The following ADIPOR2 variants were observed in gnomAD, a reference collection of about 807,000 sequenced individuals.
The protein encoded by ADIPOR2 is adiponectin receptor 2, also known as adiponectin receptor protein 2.
A neutral mutation model predicts 40.9 loss-of-function variants in ADIPOR2; 18 were observed. That is an observed-to-expected ratio of 0.44 (90% CI 0.30 to 0.65). The LOEUF is 0.65. Among genes scored for constraint, ADIPOR2 ranks in the 30% least tolerant of loss-of-function variants. The pLI is 0.09. For synonymous variants in ADIPOR2, 165 were observed against 166.4 expected, an observed-to-expected ratio of 0.99 and a Z score of 0.06; for missense variants, 283 against 479.2, an observed-to-expected ratio of 0.59 and a Z score of 3.82.
At chr12:1,707,153 A>T (rs945087415) in intron 1 of ADIPOR2, among the ~76,000 whole-genome samples, 2 of 152,170 alleles carry the variant, frequency 1.3e-5, no homozygotes, top group African/African-American at 4.8e-5. Flanking sequence ...TGGCTATACC[A>T]CAATTTGTTT....
chr12:1,714,773 G>A (rs2094684363), intron 1 of ADIPOR2, among the ~76,000 whole-genome samples: 1 of 151,980 alleles, frequency 6.6e-6, no homozygotes, highest in Admixed American at 6.6e-5. Context: ...CAAACTCTTG[G>A]GCTGCAACTA....
chr12:1,701,164 C>CT (rs2094649537), intron 1 of ADIPOR2, among the ~76,000 whole-genome samples: 2 of 141,722 alleles, frequency 1.4e-5, no homozygotes, highest in South Asian at 4.5e-4. Flanking sequence ...GGGTCTCACT[C>CT]TGTCACCCAG....
At chr12:1,764,349 T>C (rs1565653495) in intron 2 of ADIPOR2, among the ~76,000 whole-genome samples, 2 of 152,170 alleles carry the variant, frequency 1.3e-5, no homozygotes, top group Non-Finnish European at 2.9e-5. Flanking sequence ...TTGATCACTT[T>C]TATCGTGCCT....
At chr12:1,721,984 T>C (rs370264063) in intron 1 of ADIPOR2, among the ~76,000 whole-genome samples, 1 of 152,116 alleles carries the variant, frequency 6.6e-6, no homozygotes, top group East Asian at 1.9e-4. Flanking sequence ...GTAAGGAGTT[T>C]CTAGGTGTAA....
At chr12:1,691,273 G>A (rs559820174) in intron 1 of ADIPOR2, 82 bp downstream of exon 1, 1 of 152,712 alleles carries the variant, frequency 6.5e-6, no homozygotes, top group Admixed American at 6.5e-5. Context: ...CTTGGGGTCG[G>A]GGGGAGGTGA....
chr12:1,698,831 T>C (rs1239301594), intron 1 of ADIPOR2, among the ~76,000 whole-genome samples: 1 of 151,432 alleles, frequency 6.6e-6, no homozygotes, highest in Non-Finnish European at 1.5e-5. Context: ...TCACCAGAAA[T>C]GTGGGTGGAG....
chr12:1,711,854 A>T (rs766120328), intron 1 of ADIPOR2, among the ~76,000 whole-genome samples: 1 of 152,074 alleles, frequency 6.6e-6, no homozygotes, highest in Non-Finnish European at 1.5e-5. Flanking sequence ...TAACTCCGTG[A>T]TTTCCTTATG....
At chr12:1,742,670 A>C (rs973774412) in intron 1 of ADIPOR2, among the ~76,000 whole-genome samples, 1 of 152,196 alleles carries the variant, frequency 6.6e-6, no homozygotes, top group Non-Finnish European at 1.5e-5. Flanking sequence ...ATTGTAAATC[A>C]TGTCTAGATT....
rs528569663 is a variant in ADIPOR2 at position 1,691,201 on chromosome 12, C to T, written c.-87+10C>T. ...AAGTCCGAGACACGCGGTGAGGCGGCGACGGGCTCCGGGTGAGGGTCTCTG... is the reference window on the plus strand; with the variant it reads ...AAGTCCGAGACACGCGGTGAGGCGGTGACGGGCTCCGGGTGAGGGTCTCTG... On this transcript the variant is annotated intron_variant, in intron 1 of 7. Transcript: ENST00000357103. 10 of 154,606 alleles carry T rather than the reference C, an allele frequency of 6.5e-5. No individual in the cohort carries two copies. In the East Asian group the frequency reaches 1.9e-3, roughly 30 times the overall value. The allele number at this position is 154,606 out of a possible 1,614,324, so 9.6% of individuals were successfully genotyped here. A position where few individuals can be genotyped will look rare whatever the true frequency, so the allele number is the denominator to read the frequency against.
chr12:1,755,853 G>A (rs989329675), intron 2 of ADIPOR2, among the ~76,000 whole-genome samples: 3 of 152,150 alleles, frequency 2.0e-5, no homozygotes, highest in Non-Finnish European at 2.9e-5. Context: ...ACATTGAAGT[G>A]TGTATATAGT....
rs114147026 is a variant in ADIPOR2 at position 1,769,027 on chromosome 12, A to G, written c.172-3815A>G. On this transcript the variant is annotated intron_variant, in intron 2 of 7. Coordinates refer to ENST00000357103, the MANE Select transcript of ADIPOR2 (RefSeq NM_024551.3). ...TGAGGGTGTGGTAAGGAGTATGACA[A>G]CAGAAGCAGAACATAGCATGTATGT... 3.4e-3 allele frequency among the ~76,000 whole-genome samples: 514 copies of G among 152,334 alleles called. 2 individuals carry two copies. Among genetic ancestry groups the G allele is most frequent in the African/African-American group, 0.012 (485 of 41,566 alleles).
intron 1 of ADIPOR2, among the ~76,000 whole-genome samples, chr12:1,717,521 C>A (rs1258553174): frequency 6.6e-6 from 1 of 152,122 alleles, no homozygotes; most frequent in Non-Finnish European, 1.5e-5. Context: ...GCCTGATGAA[C>A]ATGGAGAAAC....
intron 1 of ADIPOR2, among the ~76,000 whole-genome samples, chr12:1,749,189 C>T (rs2094763575): frequency 6.6e-6 from 1 of 152,182 alleles, no homozygotes; most frequent in Non-Finnish European, 1.5e-5. Context: ...TCATGTCCTC[C>T]CTGGATGCTC....
chr12:1,780,441 T>C lies in ADIPOR2; in HGVS notation c.464-10T>C. 1 of 1,586,596 alleles carries C rather than the reference T, an allele frequency of 6.3e-7. No homozygotes were observed. Among genetic ancestry groups the C allele is most frequent in the East Asian group, 2.3e-5 (1 of 43,886 alleles). ...GATATTTTATCTATTTTCTGTGCTC[T>C]TTTTCCTAGGTTGTGTATTCTTCCT... On this transcript the variant is annotated splice_polypyrimidine_tract_variant and intron_variant, in intron 4 of 7. Transcript: ENST00000357103.
At chr12:1,705,594 A>C (rs533026318) in intron 1 of ADIPOR2, among the ~76,000 whole-genome samples, 2 of 152,326 alleles carry the variant, frequency 1.3e-5, no homozygotes, top group Non-Finnish European at 2.9e-5. Flanking sequence ...AAGATATTTT[A>C]TTATGTATAT....
At chr12:1,754,693 TTATTATTACTACTACTACTAC>T (rs1862077792) in intron 2 of ADIPOR2, among the ~76,000 whole-genome samples, 179 bp downstream of exon 2, 1 of 136,746 alleles carries the variant, frequency 7.3e-6, no homozygotes, top group Admixed American at 7.1e-5. Flanking sequence ...ATCTTTATTA[TTATTATTACTACTACTACTAC>T]TACTACTACT....
chr12:1,703,789 G>GT (rs2094655793), intron 1 of ADIPOR2, among the ~76,000 whole-genome samples: 1 of 152,016 alleles, frequency 6.6e-6, no homozygotes, highest in Non-Finnish European at 1.5e-5. Context: ...AGATTTGTTT[G>GT]TTTTTTTGTT....
chr12:1,694,514 T>C (rs1038078922), intron 1 of ADIPOR2, among the ~76,000 whole-genome samples: 2 of 152,232 alleles, frequency 1.3e-5, no homozygotes, highest in Non-Finnish European at 2.9e-5. Context: ...ATAGTTGTTA[T>C]ACTGTATTGT....
intron 1 of ADIPOR2, among the ~76,000 whole-genome samples, chr12:1,708,366 A>G (rs572869644): frequency 6.6e-6 from 1 of 151,980 alleles, no homozygotes; most frequent in South Asian, 2.1e-4. Flanking sequence ...GGAAGAGCAG[A>G]TGTTTCTTAA....
Sources: gnomAD v4.1 joint callset for allele counts (sites outside exome capture counted in the v4.1 genomes callset) on GRCh38, gnomAD v4.1.1 for gene constraint, MANE v1.5 for transcripts, NCBI Gene and HGNC (gene_info 2026-07-23, HGNC 2026-07-21) for gene names.